The following SHLD1 variants were observed in gnomAD, a reference collection of about 807,000 sequenced individuals.
The protein encoded by SHLD1 is shieldin complex subunit 1.
A neutral mutation model predicts 5.5 loss-of-function variants in SHLD1; 3 were observed. The observed-to-expected ratio is 0.54, with a 90% CI of 0.25 to 1.40. SHLD1 has a LOEUF of 1.40. SHLD1 is among the 40% of genes most tolerant of loss of function. The pLI, the probability that SHLD1 is intolerant of heterozygous loss-of-function variation, is 0.15. For missense variants in SHLD1, 210 were observed against 244.4 expected, an observed-to-expected ratio of 0.86 and a Z score of 0.94; for synonymous variants, 92 against 94.3, an observed-to-expected ratio of 0.98 and a Z score of 0.14.
intron 1 of SHLD1, chr20:5,765,000 C>T (rs1984743731): frequency 6.6e-6 from 1 of 152,082 alleles, no homozygotes; most frequent in African/African-American, 2.4e-5. Context: ...ATGCCCTATA[C>T]TTAGAGACTT....
chr20:5,848,457 T>G (rs1246225557), intron 2 of SHLD1, among the ~76,000 whole-genome samples: 3 of 152,234 alleles, frequency 2.0e-5, no homozygotes, highest in Non-Finnish European at 2.9e-5. Context: ...AGGCAGAGAT[T>G]GCAATGAGCC....
intron 2 of SHLD1, among the ~76,000 whole-genome samples, chr20:5,837,097 T>C (rs2087798345): frequency 6.6e-6 from 1 of 152,072 alleles, no homozygotes; most frequent in Non-Finnish European, 1.5e-5. Flanking sequence ...ACTGGAGCAA[T>C]AGGACAGAAG....
At chr20:5,856,190 G>T (rs540411341) in intron 2 of SHLD1, among the ~76,000 whole-genome samples, 1 of 152,216 alleles carries the variant, frequency 6.6e-6, no homozygotes, top group South Asian at 2.1e-4. Flanking sequence ...ACTGATTAAC[G>T]TCTGAGCAGA....
intron 2 of SHLD1, among the ~76,000 whole-genome samples, chr20:5,787,290 C>T (rs1231805590): frequency 6.6e-6 from 1 of 152,198 alleles, no homozygotes; most frequent in Non-Finnish European, 1.5e-5. Flanking sequence ...ACTCCCTTTG[C>T]TGGAATCAAT....
intron 2 of SHLD1, among the ~76,000 whole-genome samples, chr20:5,854,970 C>T (rs768130312): frequency 8.0e-5 from 12 of 149,966 alleles, no homozygotes; most frequent in Non-Finnish European, 1.5e-4. Flanking sequence ...ATCTCCTGGA[C>T]TCAAGTGATC....
intron 1 of SHLD1, among the ~76,000 whole-genome samples, chr20:5,759,893 CAAAG>C (rs1249692702): frequency 6.6e-6 from 1 of 152,066 alleles, no homozygotes; most frequent in African/African-American, 2.4e-5. Context: ...AAGACTAGTA[CAAAG>C]AGTTCCCAAA....
intron 2 of SHLD1, among the ~76,000 whole-genome samples, chr20:5,785,633 T>G (rs2087048493): frequency 6.6e-6 from 1 of 151,888 alleles, no homozygotes; most frequent in Non-Finnish European, 1.5e-5. Context: ...CCGTCTCTAC[T>G]AAAAATACAA....
At chr20:5,830,986 G>A (rs1003588534) in intron 2 of SHLD1, among the ~76,000 whole-genome samples, 2 of 151,642 alleles carry the variant, frequency 1.3e-5, no homozygotes, top group African/African-American at 2.4e-5. Context: ...TTTGATATAC[G>A]CACGTTATAA....
intron 2 of SHLD1, among the ~76,000 whole-genome samples, chr20:5,859,760 T>C (rs184872570): frequency 4.6e-5 from 7 of 152,310 alleles, no homozygotes; most frequent in Non-Finnish European, 1.0e-4. Context: ...AGTAAATGAC[T>C]CAACCCGTAT....
chr20:5,809,855 G>A (rs552822799), intron 2 of SHLD1, among the ~76,000 whole-genome samples: 29 of 152,188 alleles, frequency 1.9e-4, no homozygotes, highest in Admixed American at 1.6e-3. Flanking sequence ...GCCCGATAGC[G>A]CTGAGGGTAT....
intron 2 of SHLD1, among the ~76,000 whole-genome samples, chr20:5,809,247 A>T (rs1018505603): frequency 1.3e-5 from 2 of 152,082 alleles, no homozygotes; most frequent in African/African-American, 4.8e-5. Context: ...AAAAATAAGA[A>T]ACTCATTTTA....
In SHLD1 at chr20:5,864,009, C is replaced by T. The variant is rs909535175; in HGVS notation, c.*546C>T. 1.3e-5 allele frequency: 2 copies of T among 152,598 alleles called. No homozygotes were observed. Among genetic ancestry groups the T allele is most frequent in the African/African-American group, 2.4e-5 (1 of 41,460 alleles). The allele number at this position is 152,598 out of a possible 1,614,324, so 9.5% of individuals were successfully genotyped here. A position where few individuals can be genotyped will look rare whatever the true frequency, so the allele number is the denominator to read the frequency against. On this transcript the variant is annotated 3_prime_UTR_variant, in exon 3 of 3. Transcript: ENST00000303142. ...AAGGATACAAAGCTCTACACCGAAT[C>T]AGGTATAAGGAATTATATCAAGTTG...
intron 2 of SHLD1, among the ~76,000 whole-genome samples, chr20:5,861,946 G>T (rs1186052981): frequency 6.6e-6 from 1 of 152,194 alleles, no homozygotes; most frequent in East Asian, 1.9e-4. Context: ...TCTGGTGAGG[G>T]CTCCTTTCCT....
At chr20:5,824,625 GTTT>G (rs34606054) in intron 2 of SHLD1, among the ~76,000 whole-genome samples, 2 of 125,530 alleles carry the variant, frequency 1.6e-5, no homozygotes, top group East Asian at 2.2e-4. Flanking sequence ...GTTGTTGTTT[GTTT>G]TTTTTTTTTT....
chr20:5,776,070 G>A (rs531135227), intron 2 of SHLD1, among the ~76,000 whole-genome samples: 1 of 151,858 alleles, frequency 6.6e-6, no homozygotes, highest in Admixed American at 6.6e-5. Context: ...TGGAATTACA[G>A]GTGAGCGCAA....
At chr20:5,854,872 C>CTTTTTTTTTTTT (rs55776293) in intron 2 of SHLD1, among the ~76,000 whole-genome samples, 5,801 of 129,594 alleles carry the variant, frequency 0.045, 278 homozygotes, top group African/African-American at 0.071. Flanking sequence ...CTCTATGACT[C>CTTTTTTTTTTTT]TTTTTTTTTT....
Position 5,787,897 on chromosome 20 carries a change from A to G in SHLD1, c.178+14854A>G, listed in dbSNP as rs2087081657. 4.6e-5 allele frequency among the ~76,000 whole-genome samples: 7 copies of G among 152,232 alleles called. No individual in the cohort carries two copies. In the South Asian group the frequency reaches 1.4e-3, roughly 32 times the overall value. ...TACATAAGCCCTGCAGATTTGTTTA[A>G]CTCTTGACTAGAAAGTCAACTAGTC... On this transcript the variant is annotated intron_variant, in intron 2 of 2. Coordinates refer to ENST00000303142, the MANE Select transcript of SHLD1 (RefSeq NM_152504.4).
chr20:5,757,063 C>CT, intron 1 of SHLD1, among the ~76,000 whole-genome samples: 1 of 142,510 alleles, frequency 7.0e-6, no homozygotes, highest in African/African-American at 2.6e-5. Flanking sequence ...TTCTTTTTTT[C>CT]TTTCTTTCTT....
At chr20:5,800,501 C>T (rs1282095155) in intron 2 of SHLD1, among the ~76,000 whole-genome samples, 1 of 152,166 alleles carries the variant, frequency 6.6e-6, no homozygotes, top group Admixed American at 6.5e-5. Flanking sequence ...CGAGACCAGC[C>T]TGGCCAACAT....
Sources: allele counts gnomAD v4.1 joint callset (sites outside exome capture counted in the v4.1 genomes callset), GRCh38; gene constraint gnomAD v4.1.1; transcripts MANE v1.5; gene names NCBI Gene and HGNC (gene_info 2026-07-23, HGNC 2026-07-21).